Variants in CSMD1 observed in about 807,000 individuals in gnomAD.
The protein encoded by CSMD1 is CUB and Sushi multiple domains 1.
A neutral mutation model predicts 417.5 loss-of-function variants in CSMD1; 213 were observed. That is an observed-to-expected ratio of 0.51 (90% CI 0.46 to 0.57). The LOEUF (loss-of-function observed/expected upper bound fraction) is 0.57. Ranked by LOEUF, CSMD1 falls within the 20% of genes least tolerant of loss-of-function variation. The pLI is 0.00. For missense variants in CSMD1, 6,923 were observed against 4,529.7 expected (o/e 1.53, Z -15.17); for synonymous variants, 2,862 against 1,736.8 (o/e 1.65, Z -16.11).
At chr8:4,232,135 T>C (rs2128814727) in intron 3 of CSMD1, among the ~76,000 whole-genome samples, 1 of 152,332 alleles carries the variant, frequency 6.6e-6, no homozygotes, top group East Asian at 1.9e-4. Context: ...ACTTTACTAT[T>C]AGTTTCCTTT....
intron 33 of CSMD1, among the ~76,000 whole-genome samples, chr8:3,196,873 A>C (rs1439344094): frequency 2.0e-5 from 3 of 152,160 alleles, no homozygotes; most frequent in Non-Finnish European, 4.4e-5. Flanking sequence ...AACTAAAGAT[A>C]AGAGAAGCTC....
At chr8:3,681,576 G>A (rs1247817019) in intron 7 of CSMD1, among the ~76,000 whole-genome samples, 1 of 152,200 alleles carries the variant, frequency 6.6e-6, no homozygotes, top group South Asian at 2.1e-4. Flanking sequence ...CATGCTTATG[G>A]ATAGGAAGAG....
At chr8:3,659,305 G>T (rs1196079801) in intron 7 of CSMD1, among the ~76,000 whole-genome samples, 1 of 152,274 alleles carries the variant, frequency 6.6e-6, no homozygotes, top group South Asian at 2.1e-4. Flanking sequence ...TTGACAAATT[G>T]TGTAGTTATT....
chr8:4,143,373 T>C (rs75588095), intron 3 of CSMD1, among the ~76,000 whole-genome samples: 227 of 3,498 alleles, frequency 0.065, 1 homozygote, highest in South Asian at 0.26. Context: ...TCTTATCCCT[T>C]TTTTTTTTTT....
chr8:4,297,235 A>C (rs2128871074), intron 3 of CSMD1, among the ~76,000 whole-genome samples: 2 of 152,336 alleles, frequency 1.3e-5, no homozygotes, highest in African/African-American at 4.8e-5. Context: ...AAACATTTAG[A>C]AATAATTAAA....
intron 26 of CSMD1, among the ~76,000 whole-genome samples, chr8:3,238,912 T>C (rs1799320009): frequency 6.6e-6 from 1 of 152,050 alleles, no homozygotes; most frequent in Admixed American, 6.6e-5. Flanking sequence ...GCAGGGCATG[T>C]ATAAGTAGTT....
intron 17 of CSMD1, among the ~76,000 whole-genome samples, chr8:3,394,281 AATAAT>A (rs1811553045): frequency 6.8e-6 from 1 of 147,328 alleles, no homozygotes; most frequent in African/African-American, 2.5e-5. Flanking sequence ...CATATTTTAT[AATAAT>A]AAAATATTAT....
intron 3 of CSMD1, among the ~76,000 whole-genome samples, chr8:4,190,281 G>A (rs566094288): frequency 2.1e-4 from 30 of 141,572 alleles, no homozygotes; most frequent in Admixed American, 5.7e-4. Flanking sequence ...AAAAAGCAGA[G>A]ACTCTGGGTC....
At chr8:4,418,023 C>G (rs1339672509) in intron 3 of CSMD1, among the ~76,000 whole-genome samples, 1 of 152,018 alleles carries the variant, frequency 6.6e-6, no homozygotes, top group African/African-American at 2.4e-5. Context: ...ATAACGCACA[C>G]TCATTTTTGC....
chr8:4,447,929 CCA>C (rs1181001308), intron 2 of CSMD1, among the ~76,000 whole-genome samples: 9 of 152,100 alleles, frequency 5.9e-5, no homozygotes, highest in African/African-American at 2.2e-4. Context: ...ACGACAATTA[CCA>C]CACTCACCAT....
intron 16 of CSMD1, among the ~76,000 whole-genome samples, chr8:3,397,897 G>A (rs1047403632): frequency 6.6e-6 from 1 of 152,164 alleles, no homozygotes; most frequent in Non-Finnish European, 1.5e-5. Flanking sequence ...ATCCTTTAAG[G>A]TGTCAGCCCA....
chr8:3,809,809 C>T (rs567032193), intron 5 of CSMD1, among the ~76,000 whole-genome samples: 2 of 152,164 alleles, frequency 1.3e-5, no homozygotes, highest in East Asian at 3.9e-4. Flanking sequence ...AGAAAATGCA[C>T]TGTTCACATA....
chr8:3,928,999 C>T (rs1425841283), intron 5 of CSMD1, among the ~76,000 whole-genome samples: 1 of 150,630 alleles, frequency 6.6e-6, no homozygotes, highest in East Asian at 2.0e-4. Flanking sequence ...TATAAGAAAT[C>T]TTACCGATTT....
intron 3 of CSMD1, among the ~76,000 whole-genome samples, chr8:4,163,513 T>A (rs1370367673): frequency 1.3e-5 from 2 of 152,208 alleles, no homozygotes; most frequent in African/African-American, 4.8e-5. Context: ...ACAGACATTG[T>A]TTTGTGAAAT....
intron 10 of CSMD1, among the ~76,000 whole-genome samples, chr8:3,534,518 CA>C (rs566979953): frequency 0.048 from 4,167 of 86,536 alleles, 110 homozygotes; most frequent in African/African-American, 0.12. Flanking sequence ...TTCTCAATTA[CA>C]AAAAAAAAAA....
chr8:3,024,542 G>T (rs1306791866), intron 51 of CSMD1, among the ~76,000 whole-genome samples: 18 of 152,126 alleles, frequency 1.2e-4, no homozygotes, highest in Non-Finnish European at 2.4e-4. Flanking sequence ...CCTGACCTCA[G>T]GTGATCCACT....
At chr8:2,968,421 A>C (rs1439100922) in intron 57 of CSMD1, among the ~76,000 whole-genome samples, 1 of 152,244 alleles carries the variant, frequency 6.6e-6, no homozygotes, top group Non-Finnish European at 1.5e-5. Context: ...TACTTAAACA[A>C]GTCAAATAAC....
intron 65 of CSMD1, among the ~76,000 whole-genome samples, chr8:2,952,274 TC>T (rs1802688469): frequency 6.6e-6 from 1 of 152,164 alleles, no homozygotes; most frequent in South Asian, 2.1e-4. Context: ...GATTCATGTC[TC>T]CCTAACCCAT....
intron 5 of CSMD1, among the ~76,000 whole-genome samples, chr8:3,767,199 T>C (rs939141344): frequency 6.6e-6 from 1 of 152,234 alleles, no homozygotes; most frequent in Non-Finnish European, 1.5e-5. Context: ...AGAAAGCAAG[T>C]TCATTCCATG....
Sources: gnomAD v4.1 joint callset for allele counts (sites outside exome capture counted in the v4.1 genomes callset) on GRCh38, gnomAD v4.1.1 for gene constraint, MANE v1.5 for transcripts, NCBI Gene and HGNC (gene_info 2026-07-23, HGNC 2026-07-21) for gene names.